ANKRD11: variants seen among roughly 807,000 people sequenced by gnomAD.
ANKRD11 encodes the protein ankyrin repeat domain-containing protein 11.
Under a neutral mutation model 195.7 loss-of-function variants are expected in ANKRD11, and 17 were observed. That is an observed-to-expected ratio of 0.09 (90% CI 0.06 to 0.13). ANKRD11 has a LOEUF of 0.13. ANKRD11 is among the 10% of genes least tolerant of loss of function. The pLI is 1.00. For synonymous variants in ANKRD11, 1,953 were observed against 1,528.1 expected (o/e 1.28, Z -6.49); for missense variants, 3,735 against 3,566.1 (o/e 1.05, Z -1.21).
Position 89,283,230 on chromosome 16 carries a change from ATCT to A in ANKRD11, c.3309_3311del (p.Lys1103_Asp1104delinsAsn). The stretch of plus-strand genomic sequence containing the variant: ...AGCTTTTCTCTTTGCCTTTCTTGTC[ATCT>A]TTTTTTTCAGAGAAGTCTTCTGAGA... On this transcript the variant is annotated inframe_deletion, in exon 9 of 13. Transcript: ENST00000301030. The surrounding 1 kb of genome is among the most constrained non-coding windows in gnomAD (Gnocchi z 4.3). 6.2e-7 allele frequency: 1 copy of A among 1,613,482 alleles called. No individual in the cohort carries two copies. The highest frequency in any genetic ancestry group is 8.5e-7 in the Non-Finnish European group (1 of 1,179,872).
chr16:89,442,675 G>C (rs2043572703), intron 1 of ANKRD11, among the ~76,000 whole-genome samples: 1 of 152,234 alleles, frequency 6.6e-6, no homozygotes. Context: ...GCCAGGTGCT[G>C]ACACGGTTAG....
At chr16:89,346,970 A>G (rs2038969312) in intron 2 of ANKRD11, among the ~76,000 whole-genome samples, 1 of 152,236 alleles carries the variant, frequency 6.6e-6, no homozygotes, top group Non-Finnish European at 1.5e-5. Flanking sequence ...CAACTAGACA[A>G]AATAGGAAGG....
intron 2 of ANKRD11, among the ~76,000 whole-genome samples, chr16:89,327,879 T>C (rs1047454371): frequency 1.3e-5 from 2 of 152,142 alleles, no homozygotes; most frequent in African/African-American, 4.8e-5. Context: ...AAGAAAAAAC[T>C]GATAAACGAC....
intron 2 of ANKRD11, among the ~76,000 whole-genome samples, chr16:89,351,920 T>C (rs1271104856): frequency 6.6e-6 from 1 of 152,170 alleles, no homozygotes; most frequent in Non-Finnish European, 1.5e-5. Context: ...GCTGGTATTA[T>C]CTCTTTTTTG....
At chr16:89,326,777 C>T (rs970372270) in intron 2 of ANKRD11, among the ~76,000 whole-genome samples, 1 of 152,114 alleles carries the variant, frequency 6.6e-6, no homozygotes, top group African/African-American at 2.4e-5. Flanking sequence ...AAAACACAAC[C>T]GGGGCATGAA....
chr16:89,312,326 G>A (rs992070285), intron 3 of ANKRD11, among the ~76,000 whole-genome samples: 1 of 152,222 alleles, frequency 6.6e-6, no homozygotes, highest in African/African-American at 2.4e-5. Context: ...CGCTGCTTCA[G>A]AGCTAAACCT....
chr16:89,405,262 T>C (rs1210396853), intron 2 of ANKRD11, among the ~76,000 whole-genome samples: 1 of 152,166 alleles, frequency 6.6e-6, no homozygotes, highest in African/African-American at 2.4e-5. Flanking sequence ...TGGAACAAAA[T>C]GCCGTTACGT....
At chr16:89,410,981 C>A (rs1267906704) in intron 2 of ANKRD11, among the ~76,000 whole-genome samples, 5 of 152,250 alleles carry the variant, frequency 3.3e-5, no homozygotes, top group Non-Finnish European at 5.9e-5. Context: ...CCGGCCTCCA[C>A]AGGCGCTTTC....
rs190319691 is a variant in ANKRD11, at chr16:89,434,633, A to T, written c.-144-16265T>A. 1.1e-4 allele frequency among the ~76,000 whole-genome samples: 17 copies of T among 152,272 alleles called. 1 individual carries two copies. The highest frequency in any genetic ancestry group is 3.9e-4 in the African/African-American group (16 of 41,536). On this transcript the variant is annotated intron_variant, in intron 1 of 12. Transcript: ENST00000301030. The stretch of plus-strand genomic sequence containing the variant: ...TCCATGCCTATAAATTCCACAACAG[A>T]TGTCTCCTGAGGTCCAAAATCTGCT...
intron 1 of ANKRD11, among the ~76,000 whole-genome samples, chr16:89,422,923 T>C (rs941912315): frequency 1.3e-5 from 2 of 151,864 alleles, no homozygotes; most frequent in African/African-American, 4.8e-5. Flanking sequence ...AATCACTTTT[T>C]TCAATCAGGA....
chr16:89,378,890 A>T (rs979467216), intron 2 of ANKRD11, among the ~76,000 whole-genome samples: 1 of 145,896 alleles, frequency 6.9e-6, no homozygotes, highest in South Asian at 2.3e-4. Context: ...GGGCTTTCCA[A>T]GGCTGAAAAC....
At chr16:89,399,299 T>G (rs926887995) in intron 2 of ANKRD11, among the ~76,000 whole-genome samples, 1 of 151,578 alleles carries the variant, frequency 6.6e-6, no homozygotes, top group Non-Finnish European at 1.5e-5. Flanking sequence ...CACTCATAGG[T>G]GAGTGGATTA....
chr16:89,402,123 G>C lies in ANKRD11; in HGVS notation c.-60+16161C>G, dbSNP rs77533068. On this transcript the variant is annotated intron_variant, in intron 2 of 12. Coordinates refer to ENST00000301030, the MANE Select transcript of ANKRD11 (RefSeq NM_013275.6). ...CATGGACCTCTTTAATGGAAATCCT[G>C]ACTTTTCCATAAGGCACTGAATCTG... Among the ~76,000 whole-genome samples the C allele has an allele frequency of 1.8e-3, 275 of 152,254 alleles. 2 individuals are homozygous for C. The highest frequency in any genetic ancestry group is 5.9e-3 in the African/African-American group (244 of 41,528).
chr16:89,372,537 G>T (rs2040240531), intron 2 of ANKRD11, among the ~76,000 whole-genome samples: 1 of 152,188 alleles, frequency 6.6e-6, no homozygotes, highest in African/African-American at 2.4e-5. Context: ...ACTGAAACAT[G>T]AGCTGATAAA....
At chr16:89,392,406 T>G (rs1184646268) in intron 2 of ANKRD11, 4 of 152,178 alleles carry the variant, frequency 2.6e-5, no homozygotes, top group Non-Finnish European at 5.9e-5. Context: ...AAGTTAGATT[T>G]TCACCCTTTT....
chr16:89,430,915 T>G (rs562872066), intron 1 of ANKRD11, among the ~76,000 whole-genome samples: 1 of 152,248 alleles, frequency 6.6e-6, no homozygotes, highest in East Asian at 1.9e-4. Flanking sequence ...TGCTTCCTCC[T>G]GCATCACAAA....
Position 89,290,683 on chromosome 16 carries a change from G to A in ANKRD11, c.543C>T (p.Ala181=), listed in dbSNP as rs367937349. 1.8e-4 allele frequency: 285 copies of A among 1,613,866 alleles called. No individual in the cohort carries two copies. The highest frequency in any genetic ancestry group is 2.3e-4 in the Non-Finnish European group (272 of 1,180,022). ...CGCTGATGAGCTCTTTGATGCGCCG[G>A]GCGTCCCCGCGGATGGCGGCTCGGT... ...RLHRAAIRGD[A]RRIKELISEG... The change falls in exon 6 of 13, where the codon GCC becomes GCT. Residue 181 remains alanine, a synonymous_variant. Coordinates refer to ENST00000301030, the MANE Select transcript of ANKRD11 (RefSeq NM_013275.6).
intron 2 of ANKRD11, among the ~76,000 whole-genome samples, chr16:89,417,085 G>A (rs2042341120): frequency 6.6e-6 from 1 of 152,124 alleles, no homozygotes; most frequent in African/African-American, 2.4e-5. Flanking sequence ...CTATTTTCAA[G>A]GATATCTCAG....
intron 1 of ANKRD11, among the ~76,000 whole-genome samples, chr16:89,441,003 C>T (rs540645239): frequency 3.6e-4 from 55 of 152,162 alleles, no homozygotes; most frequent in African/African-American, 1.1e-3. Flanking sequence ...TTTGGGAGGC[C>T]GAGGCGGGCA....
Sources: allele counts gnomAD v4.1 joint callset (sites outside exome capture counted in the v4.1 genomes callset), GRCh38; gene constraint gnomAD v4.1.1; non-coding constraint Gnocchi (gnomAD v3.1); transcripts MANE v1.5; gene names NCBI Gene and HGNC (gene_info 2026-07-23, HGNC 2026-07-21).